Variants in CDCA7L observed in about 807,000 individuals in gnomAD.
CDCA7L encodes cell division cycle-associated 7-like protein.
CDCA7L carries 44 observed loss-of-function variants against 57.4 expected under a neutral mutation model. The observed-to-expected ratio is 0.77, with a 90% CI of 0.60 to 0.98. CDCA7L has a LOEUF of 0.98. Ranked by LOEUF, CDCA7L falls within the 50% of genes least tolerant of loss-of-function variation. The probability of loss-of-function intolerance (pLI) is 0.00; values close to 1 mark genes in which losing one functional copy is unlikely to be tolerated. For missense variants in CDCA7L, 644 were observed against 580.6 expected, an observed-to-expected ratio of 1.11 and a Z score of -1.12; for synonymous variants, 236 against 202.8, an observed-to-expected ratio of 1.16 and a Z score of -1.39.
chr7:21,912,953 A>C (rs1785377657), intron 2 of CDCA7L, among the ~76,000 whole-genome samples: 1 of 152,020 alleles, frequency 6.6e-6, no homozygotes, highest in East Asian at 1.9e-4. Context: ...CCAAAGGGAG[A>C]CCCACGAGAC....
In CDCA7L at chr7:21,917,033, A is replaced by G. The variant is rs2128062192; in HGVS notation, c.25-139T>C. 3 of 897,246 alleles carry G rather than the reference A, an allele frequency of 3.3e-6. No individual in the cohort carries two copies. In the South Asian group the frequency reaches 4.9e-5, roughly 15 times the overall value. The allele number at this position is 897,246 out of a possible 1,614,324, so 55.6% of individuals were successfully genotyped here. On this transcript the variant is annotated intron_variant, in intron 1 of 9. Coordinates refer to ENST00000406877, the MANE Select transcript of CDCA7L (RefSeq NM_018719.5). ...CCAGAAGTCCCCAGTAACCCTCAGC[A>G]AAACACTCTTCAGCTAAGAACTCAT...
chr7:21,916,863 G>C lies in CDCA7L; in HGVS notation c.56C>G (p.Ala19Gly). Residue 19 changes from alanine to glycine, a missense_variant, in exon 2 of 10, where the codon GCC becomes GGC. Physicochemically the swap from Ala to Gly is moderately conservative, Grantham distance 60. Coordinates refer to ENST00000406877, the MANE Select transcript of CDCA7L (RefSeq NM_018719.5). ...AACAAACTCTTCATCATCACTGGGGGCGTTAAAGATGTCAGCCACTTCTTT... is the reference window on the plus strand; with the variant it reads ...AACAAACTCTTCATCATCACTGGGGCCGTTAAAGATGTCAGCCACTTCTTT... ...IPKEVADIFN[A>G]PSDDEEFVGF... is the part of the protein sequence containing the mutation. 6.2e-7 allele frequency: 1 copy of C among 1,614,054 alleles called. No individual in the cohort carries two copies. Among genetic ancestry groups the C allele is most frequent in the Non-Finnish European group, 8.5e-7 (1 of 1,179,970 alleles).
chr7:21,918,260 C>T (rs1378020530), intron 1 of CDCA7L, among the ~76,000 whole-genome samples: 1 of 152,180 alleles, frequency 6.6e-6, no homozygotes, highest in Non-Finnish European at 1.5e-5. Flanking sequence ...GTAATGAGCA[C>T]ACATTGATCC....
intron 1 of CDCA7L, among the ~76,000 whole-genome samples, chr7:21,941,442 G>C (rs539032238): frequency 2.9e-4 from 44 of 152,310 alleles, no homozygotes; most frequent in African/African-American, 9.9e-4. Context: ...CGGAGAGTAG[G>C]GGAAGCAGAG....
chr7:21,926,280 C>T (rs960897803), intron 1 of CDCA7L, among the ~76,000 whole-genome samples: 45 of 151,902 alleles, frequency 3.0e-4, no homozygotes, highest in African/African-American at 9.2e-4. Flanking sequence ...AGCAACAATT[C>T]GAGGAAAATA....
At chr7:21,915,540 C>G (rs6978729) in intron 2 of CDCA7L, among the ~76,000 whole-genome samples, 122,467 of 151,476 alleles carry the variant, frequency 0.81, 51,776 homozygotes, top group East Asian at 0.93. Context: ...GCTCACGCCT[C>G]TAATTCCAGC....
intron 2 of CDCA7L, 68 bp downstream of exon 2, chr7:21,916,686 A>C (rs1785492121): frequency 6.9e-7 from 1 of 1,458,280 alleles, no homozygotes; most frequent in African/African-American, 1.4e-5. Context: ...ATGTTCAAAT[A>C]AAAGAACATC....
At chr7:21,906,484 A>C (rs370910032) in intron 5 of CDCA7L, 28 bp from the exon 6 acceptor site, 1 of 1,611,294 alleles carries the variant, frequency 6.2e-7, no homozygotes, top group Non-Finnish European at 8.5e-7. Context: ...GACAGAGACA[A>C]CTGGGGACTC....
intron 3 of CDCA7L, 141 bp from the exon 4 acceptor site, chr7:21,908,648 G>A (rs1168170844): frequency 3.2e-6 from 3 of 929,698 alleles, no homozygotes; most frequent in Non-Finnish European, 3.0e-6. Context: ...AGTTCCCTCT[G>A]AATTTCCTTT....
Position 21,908,144 on chromosome 7 carries a change from C to A in CDCA7L, c.667G>T (p.Glu223Ter). Reference sequence around the variant, plus strand: ...TGAAGCCTCACCATGGCTTTGTTCTCCTTGATGTTCATGGTCCTTTTCAGC... The same window carrying A: ...TGAAGCCTCACCATGGCTTTGTTCTACTTGATGTTCATGGTCCTTTTCAGC... ...ALLKRTMNIKENKAMLAQLLA... is the reference protein window; with the variant it reads ...ALLKRTMNIK Residue 223 changes from glutamate to a stop codon, truncating the protein, a stop_gained, in exon 4 of 10, where the codon GAG (glutamate) becomes TAG (stop). Transcript: ENST00000406877. LOFTEE classifies it high-confidence loss of function. 6.4e-7 allele frequency: 1 copy of A among 1,558,078 alleles called. No individual in the cohort carries two copies. The highest frequency in any genetic ancestry group is 8.6e-7 in the Non-Finnish European group (1 of 1,163,088).
chr7:21,919,056 G>A (rs1785576807), intron 1 of CDCA7L, among the ~76,000 whole-genome samples: 2 of 152,106 alleles, frequency 1.3e-5, no homozygotes, highest in South Asian at 4.2e-4. Context: ...TGCCTCAAGT[G>A]ATCCTCTCAC....
chr7:21,927,678 A>G (rs1242189822), intron 1 of CDCA7L, among the ~76,000 whole-genome samples: 1 of 152,226 alleles, frequency 6.6e-6, no homozygotes, highest in East Asian at 1.9e-4. Context: ...CCAGAAGCTC[A>G]AGGAATTCCA....
At chr7:21,945,228 C>G (rs1340168916) in intron 1 of CDCA7L, among the ~76,000 whole-genome samples, 1 of 152,110 alleles carries the variant, frequency 6.6e-6, no homozygotes, top group Non-Finnish European at 1.5e-5. Flanking sequence ...TTTAACTCGG[C>G]CCAATGACGT....
At chr7:21,937,981 G>A (rs1319122991) in intron 1 of CDCA7L, among the ~76,000 whole-genome samples, 2 of 152,066 alleles carry the variant, frequency 1.3e-5, no homozygotes, top group African/African-American at 4.8e-5. Context: ...ACTCATGGAA[G>A]AAAATACAGG....
At position 21,906,180 on chromosome 7, in the gene CDCA7L, C is replaced by T. The variant is rs1272698044; in HGVS notation, c.921+109G>A. ...GAGAGAAATGCAAGTTCTCAGCTGC[C>T]GCAGACCCACGGGGTCAGAACCAGC... On this transcript the variant is annotated intron_variant, in intron 6 of 9. Transcript: ENST00000406877. The T allele has an allele frequency of 2.2e-5, 23 of 1,045,810 alleles. No individual in the cohort carries two copies. In the Admixed American group the frequency reaches 2.3e-4, roughly 10 times the overall value. 64.8% of individuals were successfully genotyped at this position (1,045,810 alleles called of 1,614,324 possible).
intron 1 of CDCA7L, among the ~76,000 whole-genome samples, chr7:21,935,014 G>A (rs1218679128): frequency 1.3e-5 from 2 of 152,062 alleles, no homozygotes; most frequent in African/African-American, 4.8e-5. Context: ...ACAAGACAGA[G>A]CAATAAGGAA....
chr7:21,918,308 C>T lies in CDCA7L; in HGVS notation c.25-1414G>A, dbSNP rs376408126. On this transcript the variant is annotated intron_variant, in intron 1 of 9. Coordinates refer to ENST00000406877, the MANE Select transcript of CDCA7L (RefSeq NM_018719.5). ...TCTGCCCAAGGCTAACTGTGCTTCC[C>T]CTGGATCCCGACCCAACTCCCCTTC... Among the ~76,000 whole-genome samples the T allele has an allele frequency of 2.6e-5, 4 of 152,218 alleles. No homozygotes were observed. The South Asian group carries it at 6.2e-4, about 24-fold the overall frequency.
chr7:21,926,081 A>C (rs951667872), intron 1 of CDCA7L, among the ~76,000 whole-genome samples: 11 of 152,162 alleles, frequency 7.2e-5, no homozygotes, highest in Non-Finnish European at 1.6e-4. Context: ...ATAAGAAATA[A>C]AAATAAAGTA....
rs1784786100 is a variant in CDCA7L at position 21,900,972 on chromosome 7, G to GCCACA, written c.*1345_*1349dup. Reference sequence around the variant, plus strand: ...TGATCATTATCATTAGTAGCAAGCTGCCACACAATTGCAACCGCTGTGTTT... The same window carrying GCCACA: ...TGATCATTATCATTAGTAGCAAGCTGCCACACCACACAATTGCAACCGCTGTGTTT... On this transcript the variant is annotated 3_prime_UTR_variant, in exon 10 of 10. Coordinates refer to ENST00000406877, the MANE Select transcript of CDCA7L (RefSeq NM_018719.5). The GCCACA allele has an allele frequency of 6.5e-7, 1 of 1,533,998 alleles. No individual in the cohort carries two copies. The highest frequency in any genetic ancestry group is 8.8e-7 in the Non-Finnish European group (1 of 1,141,552).
Sources: gnomAD v4.1 joint callset for allele counts (sites outside exome capture counted in the v4.1 genomes callset) on GRCh38, gnomAD v4.1.1 for gene constraint, MANE v1.5 for transcripts, NCBI Gene and HGNC (gene_info 2026-07-23, HGNC 2026-07-21) for gene names.